Variants in PPP1R36 observed in about 807,000 individuals in gnomAD.
PPP1R36 encodes chromosome 14 open reading frame 50.
In PPP1R36, 47 loss-of-function variants were observed where a neutral mutation model predicts 53.4. The ratio of observed to expected loss-of-function variants is 0.88; its 90% CI spans 0.70 to 1.12. The LOEUF (loss-of-function observed/expected upper bound fraction) is 1.12, where lower values mean the gene tolerates loss of function less well. Ranked by LOEUF, PPP1R36 falls within the 50% of genes most tolerant of loss-of-function variation. PPP1R36 has a pLI of 0.00. For synonymous variants in PPP1R36, 153 were observed against 170.5 expected, an observed-to-expected ratio of 0.90 and a Z score of 0.80; for missense variants, 456 against 513.9, an observed-to-expected ratio of 0.89 and a Z score of 1.09.
intron 8 of PPP1R36, 114 bp downstream of exon 8, chr14:64,574,703 A>G: frequency 8.6e-7 from 1 of 1,163,160 alleles, no homozygotes; most frequent in Non-Finnish European, 1.2e-6. Context: ...TCTGTTGTCC[A>G]GAGTAATTGG....
chr14:64,564,783 G>T lies in PPP1R36; in HGVS notation c.215G>T (p.Gly72Val), dbSNP rs1175238066. The T allele has an allele frequency of 6.2e-7, 1 of 1,610,668 alleles. No individual in the cohort carries two copies. Among genetic ancestry groups the T allele is most frequent in the Admixed American group, 1.7e-5 (1 of 59,220 alleles). ...FTPAAEVKEKGKKGKAVHFAE... is the reference protein window; with the variant it reads ...FTPAAEVKEKVKKGKAVHFAE... ...CCTGCAGCAGAAGTCAAGGAAAAAG[G>T]AAAGAAAGGCAAAGCAGTTCACTTT... Residue 72 changes from glycine (G) to valine (V), a missense_variant, in exon 4 of 12, where the codon GGA (glycine) becomes GTA (valine). By Grantham distance (109) the Gly-to-Val change is moderately radical. Transcript: ENST00000298705.
Position 64,586,855 on chromosome 14 carries a change from A to G in PPP1R36, c.687A>G (p.Thr229=). The part of the protein sequence containing the change: ...MCCGKEKISD[T]QKDWKFFESF... ...ATTACAGGGAGAAAATATCAGATAC[A>G]CAGAAAGACTGGAAGTTCTTTGAGG... Residue 229 remains threonine (T), a synonymous_variant, in exon 9 of 12, where the codon ACA becomes ACG. Transcript: ENST00000298705. The G allele has an allele frequency of 1.2e-6, 2 of 1,612,432 alleles. No individual in the cohort carries two copies. Among genetic ancestry groups the G allele is most frequent in the East Asian group, 2.2e-5 (1 of 44,832 alleles).
Position 64,565,711 on chromosome 14 carries a change from T to G in PPP1R36, c.434+19T>G. The stretch of plus-strand genomic sequence containing the variant: ...TTATGAGGTATCTATTGCTTATGAG[T>G]CATTTTAGATCTTTTATCCTTTATT... On this transcript the variant is annotated intron_variant, in intron 6 of 11. Transcript: ENST00000298705. 2 of 1,545,004 alleles carry G rather than the reference T, an allele frequency of 1.3e-6. No individual in the cohort carries two copies. The highest frequency in any genetic ancestry group is 1.8e-6 in the Non-Finnish European group (2 of 1,117,698).
chr14:64,580,072 G>C (rs781250254), intron 8 of PPP1R36, among the ~76,000 whole-genome samples: 8 of 152,234 alleles, frequency 5.3e-5, no homozygotes, highest in Non-Finnish European at 8.8e-5. Context: ...GACTGAGGCA[G>C]GAAAGTCACT....
chr14:64,561,984 G>A, intron 3 of PPP1R36: 1 of 332,966 alleles, frequency 3.0e-6, no homozygotes, highest in Non-Finnish European at 6.0e-6. Context: ...TTTACGTGAT[G>A]GATTCTAGAG....
At chr14:64,554,173 C>T (rs575249489) in intron 3 of PPP1R36, among the ~76,000 whole-genome samples, 3 of 85,056 alleles carry the variant, frequency 3.5e-5, no homozygotes, top group Admixed American at 1.7e-4. Context: ...TTTTTTGAGA[C>T]GGAGTCCCTT....
intron 7 of PPP1R36, 96 bp from the exon 8 acceptor site, chr14:64,574,358 GA>G: frequency 1.6e-6 from 2 of 1,276,556 alleles, no homozygotes; most frequent in Non-Finnish European, 2.2e-6. Context: ...CTGTCTTAAA[GA>G]AAAGAAGAAA....
intron 7 of PPP1R36, among the ~76,000 whole-genome samples, chr14:64,570,163 C>T (rs188832988): frequency 4.0e-4 from 61 of 152,126 alleles, no homozygotes; most frequent in Non-Finnish European, 7.5e-4. Context: ...CTCAGATTGA[C>T]AAAAACAAAC....
At chr14:64,578,942 A>C (rs1240179829) in intron 8 of PPP1R36, among the ~76,000 whole-genome samples, 1 of 152,250 alleles carries the variant, frequency 6.6e-6, no homozygotes, top group Non-Finnish European at 1.5e-5. Flanking sequence ...AAAGAATGAG[A>C]TCATGCCTTC....
At chr14:64,552,228 C>T (rs1198034117) in intron 2 of PPP1R36, among the ~76,000 whole-genome samples, 2 of 152,144 alleles carry the variant, frequency 1.3e-5, no homozygotes, top group African/African-American at 4.8e-5. Context: ...GTGGCTCAAG[C>T]CTGTAATCCC....
intron 7 of PPP1R36, among the ~76,000 whole-genome samples, chr14:64,574,086 A>G (rs1327379701): frequency 6.6e-6 from 1 of 151,920 alleles, no homozygotes; most frequent in Non-Finnish European, 1.5e-5. Flanking sequence ...TTCTTTCAGA[A>G]TAGTTTATGG....
chr14:64,565,707 T>C lies in PPP1R36; in HGVS notation c.434+15T>C. The C allele has an allele frequency of 1.3e-6, 2 of 1,576,458 alleles. No individual in the cohort carries two copies. The highest frequency in any genetic ancestry group is 1.7e-6 in the Non-Finnish European group (2 of 1,145,978). ...ACATTTATGAGGTATCTATTGCTTA[T>C]GAGTCATTTTAGATCTTTTATCCTT... On this transcript the variant is annotated intron_variant, in intron 6 of 11. Coordinates refer to ENST00000298705, the MANE Select transcript of PPP1R36 (RefSeq NM_172365.3).
intron 8 of PPP1R36, among the ~76,000 whole-genome samples, chr14:64,582,327 C>T (rs2080395664): frequency 6.6e-6 from 1 of 152,128 alleles, no homozygotes; most frequent in Non-Finnish European, 1.5e-5. Flanking sequence ...ACTTTGTTTC[C>T]CTTTAGGAAT....
intron 3 of PPP1R36, among the ~76,000 whole-genome samples, chr14:64,553,821 A>G (rs1447029643): frequency 7.0e-6 from 1 of 141,986 alleles, no homozygotes; most frequent in Non-Finnish European, 1.5e-5. Context: ...GTAAGTTATA[A>G]CTAAAAAAAA....
At chr14:64,562,375 C>T (rs1228682937) in intron 3 of PPP1R36, among the ~76,000 whole-genome samples, 1 of 152,004 alleles carries the variant, frequency 6.6e-6, no homozygotes, top group African/African-American at 2.4e-5. Context: ...GCAGGAGAAT[C>T]GCTTGAACCC....
intron 8 of PPP1R36, among the ~76,000 whole-genome samples, chr14:64,578,903 T>A (rs2080364770): frequency 6.6e-6 from 1 of 152,352 alleles, no homozygotes; most frequent in African/African-American, 2.4e-5. Context: ...GTGGTACGTT[T>A]ACACCTTGGA....
At chr14:64,553,362 C>A (rs1218628401) in intron 3 of PPP1R36, among the ~76,000 whole-genome samples, 1 of 152,176 alleles carries the variant, frequency 6.6e-6, no homozygotes, top group Non-Finnish European at 1.5e-5. Context: ...AGTTTCATAT[C>A]ATCTTTCATA....
intron 6 of PPP1R36, among the ~76,000 whole-genome samples, chr14:64,567,045 C>G (rs563607211): frequency 6.6e-6 from 1 of 152,362 alleles, no homozygotes; most frequent in Non-Finnish European, 1.5e-5. Context: ...CTAAACTGTT[C>G]ACTTTCAAGT....
At chr14:64,569,403 A>G (rs909020209) in intron 7 of PPP1R36, among the ~76,000 whole-genome samples, 4 of 152,364 alleles carry the variant, frequency 2.6e-5, no homozygotes, top group African/African-American at 9.6e-5. Flanking sequence ...AAAACATCTT[A>G]TGGATAGAAT....
Sources: allele counts gnomAD v4.1 joint callset (sites outside exome capture counted in the v4.1 genomes callset), GRCh38; gene constraint gnomAD v4.1.1; transcripts MANE v1.5; gene names NCBI Gene and HGNC (gene_info 2026-07-23, HGNC 2026-07-21).